GRIN2B: variants seen among roughly 807,000 people sequenced by gnomAD.
GRIN2B encodes the protein glutamate ionotropic receptor NMDA type subunit 2B.
GRIN2B carries 5 observed loss-of-function variants against 114.5 expected under a neutral mutation model. The ratio of observed to expected loss-of-function variants is 0.04; its 90% CI spans 0.02 to 0.09. The LOEUF is 0.09. Among genes scored for constraint, GRIN2B ranks in the 10% least tolerant of loss-of-function variants. GRIN2B has a pLI of 1.00. For missense variants in GRIN2B, 1,108 were observed against 1,943.5 expected, an observed-to-expected ratio of 0.57 and a Z score of 8.08; for synonymous variants, 787 against 745.1, an observed-to-expected ratio of 1.06 and a Z score of -0.92.
chr12:13,562,178 TC>T lies in GRIN2B; in HGVS notation c.*604del, dbSNP rs1435993362. The T allele has an allele frequency of 1.3e-5, 2 of 153,788 alleles. No individual in the cohort carries two copies. The highest frequency in any genetic ancestry group is 3.9e-4 in the East Asian group (2 of 5,166). The allele number at this position is 153,788 out of a possible 1,614,324, so 9.5% of individuals were successfully genotyped here. Reference sequence around the variant, plus strand: ...TGTTCTGTTCACCACCACTATCGAGTCTCATGGGGTTGAAGCAAGCATTTTT... The same window carrying T: ...TGTTCTGTTCACCACCACTATCGAGTTCATGGGGTTGAAGCAAGCATTTTT... On this transcript the variant is annotated 3_prime_UTR_variant, in exon 14 of 14. Coordinates refer to ENST00000609686, the MANE Select transcript of GRIN2B (RefSeq NM_000834.5).
At chr12:13,591,682 G>A (rs923180457) in intron 10 of GRIN2B, among the ~76,000 whole-genome samples, 1 of 152,188 alleles carries the variant, frequency 6.6e-6, no homozygotes, top group Admixed American at 6.5e-5. Context: ...TGCTCTCTGA[G>A]ACTGTAACTA....
At chr12:13,756,111 G>A (rs528658962) in intron 3 of GRIN2B, among the ~76,000 whole-genome samples, 2 of 152,234 alleles carry the variant, frequency 1.3e-5, no homozygotes, top group South Asian at 2.1e-4. Context: ...TCCACCTCCC[G>A]GGTTCAAGCA....
rs955718577 is a variant in GRIN2B, at chr12:13,547,568, A to G, written c.*15215T>C. The G allele has an allele frequency of 6.6e-6, 1 of 152,126 alleles. No individual in the cohort carries two copies. The highest frequency in any genetic ancestry group is 2.4e-5 in the African/African-American group (1 of 41,440). 9.4% of individuals were successfully genotyped at this position (152,126 alleles called of 1,614,324 possible). Reference sequence around the variant, plus strand: ...CAGGTAGATTTCACCATTATGTAACAAAGAGAATAAAAAAGAAAGGAAAGG... The same window carrying G: ...CAGGTAGATTTCACCATTATGTAACGAAGAGAATAAAAAAGAAAGGAAAGG... On this transcript the variant is annotated 3_prime_UTR_variant, in exon 14 of 14. Coordinates refer to ENST00000609686, the MANE Select transcript of GRIN2B (RefSeq NM_000834.5).
At chr12:13,574,679 TTTTAATTTTAA>T (rs1565458982) in intron 10 of GRIN2B, among the ~76,000 whole-genome samples, 2 of 152,180 alleles carry the variant, frequency 1.3e-5, no homozygotes, top group Non-Finnish European at 2.9e-5. Context: ...ATATAGTAAT[TTTTAATTTTAA>T]ATTATTTTTA....
intron 4 of GRIN2B, among the ~76,000 whole-genome samples, chr12:13,686,972 A>T (rs1056204375): frequency 6.6e-6 from 1 of 152,110 alleles, no homozygotes; most frequent in African/African-American, 2.4e-5. Context: ...TGTTAAAAAG[A>T]GTCTGGGTGC....
At chr12:13,937,106 G>A (rs61128224) in intron 2 of GRIN2B, among the ~76,000 whole-genome samples, 51,844 of 141,188 alleles carry the variant, frequency 0.37, 10,510 homozygotes, top group Middle Eastern at 0.42. Context: ...AGGGGGGGGG[G>A]AAGATTGAAG....
At chr12:13,845,810 A>C (rs1475456473) in intron 3 of GRIN2B, among the ~76,000 whole-genome samples, 4 of 152,200 alleles carry the variant, frequency 2.6e-5, no homozygotes, top group African/African-American at 9.7e-5. Context: ...TCCCTACTGC[A>C]TGTAAAGAGC....
intron 2 of GRIN2B, among the ~76,000 whole-genome samples, chr12:13,931,449 C>T (rs1381466973): frequency 1.3e-5 from 2 of 152,136 alleles, no homozygotes; most frequent in African/African-American, 2.4e-5. Context: ...CTCTCTCTGT[C>T]TCTCCTCCTT....
chr12:13,878,240 C>T (rs868301959), intron 2 of GRIN2B, among the ~76,000 whole-genome samples: 1 of 152,136 alleles, frequency 6.6e-6, no homozygotes, highest in Non-Finnish European at 1.5e-5. Flanking sequence ...ACAGGGCTAT[C>T]GACTCCCCCG....
At chr12:13,901,690 A>G in intron 2 of GRIN2B, among the ~76,000 whole-genome samples, 1 of 151,980 alleles carries the variant, frequency 6.6e-6, no homozygotes, top group East Asian at 1.9e-4. Flanking sequence ...CTGTTTTTTC[A>G]TTATCTTTTT....
intron 4 of GRIN2B, among the ~76,000 whole-genome samples, chr12:13,747,852 A>G (rs1863413591): frequency 6.6e-6 from 1 of 152,206 alleles, no homozygotes; most frequent in Non-Finnish European, 1.5e-5. Flanking sequence ...AATGCCTAAA[A>G]ACTAATTGAC....
At chr12:13,583,241 T>A (rs966419089) in intron 10 of GRIN2B, among the ~76,000 whole-genome samples, 1 of 152,194 alleles carries the variant, frequency 6.6e-6, no homozygotes, top group African/African-American at 2.4e-5. Context: ...CTGGAAATAA[T>A]GATGATGATA....
In GRIN2B at chr12:13,548,076, TAAATC is replaced by T. The variant is rs1227682609; in HGVS notation, c.*14702_*14706del. The T allele has an allele frequency of 2.7e-5, 4 of 146,168 alleles. No homozygotes were observed. Among genetic ancestry groups the T allele is most frequent in the African/African-American group, 5.1e-5 (2 of 39,570 alleles). The allele number at this position is 146,168 out of a possible 1,614,324, so 9.1% of individuals were successfully genotyped here. ...CAAATAGAGAAGTCTAGCTTGGAAA[TAAATC>T]AAAACCATCAGAGGAATTACATTCC... On this transcript the variant is annotated 3_prime_UTR_variant, in exon 14 of 14. Transcript: ENST00000609686.
At chr12:13,632,506 CTT>C (rs1014834585) in intron 5 of GRIN2B, among the ~76,000 whole-genome samples, 6 of 152,232 alleles carry the variant, frequency 3.9e-5, no homozygotes, top group African/African-American at 1.4e-4. Context: ...CCACAGTTAA[CTT>C]TTCACAGGGG....
rs371834222 is a variant in GRIN2B, at chr12:13,822,285, A to G, written c.411+43513T>C. On this transcript the variant is annotated intron_variant, in intron 3 of 13. Coordinates refer to ENST00000609686, the MANE Select transcript of GRIN2B (RefSeq NM_000834.5). ...TAGGTCAAGAGAAGCTGAACAATCT[A>G]ACAGATTCTGAAAGGTATCCCTAAG... Among the ~76,000 whole-genome samples the G allele has an allele frequency of 8.5e-5, 13 of 152,292 alleles. No individual in the cohort carries two copies. The East Asian group carries it at 2.5e-3, about 29-fold the overall frequency.
intron 5 of GRIN2B, among the ~76,000 whole-genome samples, chr12:13,623,471 C>A (rs1565480765): frequency 6.6e-6 from 1 of 152,220 alleles, no homozygotes; most frequent in Admixed American, 6.5e-5. Flanking sequence ...TTTATCACTA[C>A]TAAATGCTTG....
chr12:13,876,713 A>G (rs1865995903), intron 2 of GRIN2B, among the ~76,000 whole-genome samples: 1 of 152,220 alleles, frequency 6.6e-6, no homozygotes, highest in Non-Finnish European at 1.5e-5. Flanking sequence ...GAGTACTGGA[A>G]AGGAGTATAG....
At chr12:13,637,180 A>T (rs557310956) in intron 5 of GRIN2B, among the ~76,000 whole-genome samples, 14 of 152,198 alleles carry the variant, frequency 9.2e-5, no homozygotes, top group African/African-American at 2.9e-4. Context: ...TCTTGTACTC[A>T]TTGGCCAAAT....
At chr12:13,949,827 CTG>C (rs1344987594) in intron 2 of GRIN2B, among the ~76,000 whole-genome samples, 2 of 152,114 alleles carry the variant, frequency 1.3e-5, no homozygotes, top group African/African-American at 4.8e-5. Flanking sequence ...CCAGGCTGTA[CTG>C]TGTTTGCAGT....
Sources: gnomAD v4.1 joint callset for allele counts (sites outside exome capture counted in the v4.1 genomes callset) on GRCh38, gnomAD v4.1.1 for gene constraint, MANE v1.5 for transcripts, NCBI Gene and HGNC (gene_info 2026-07-23, HGNC 2026-07-21) for gene names.